Variants in SIMC1 observed in about 807,000 individuals in gnomAD.
The protein encoded by SIMC1 is SUMO-interacting motif-containing protein 1.
Under a neutral mutation model 82.3 loss-of-function variants are expected in SIMC1, and 55 were observed. The ratio of observed to expected loss-of-function variants is 0.67; its 90% CI spans 0.54 to 0.84. The LOEUF (loss-of-function observed/expected upper bound fraction) is 0.84. SIMC1 is among the 40% of genes least tolerant of loss of function. The probability of loss-of-function intolerance (pLI) is 0.00; values close to 1 mark genes in which losing one functional copy is unlikely to be tolerated. For missense variants in SIMC1, 915 were observed against 1,107.2 expected, an observed-to-expected ratio of 0.83 and a Z score of 2.46; for synonymous variants, 353 against 426.3, an observed-to-expected ratio of 0.83 and a Z score of 2.12.
intron 1 of SIMC1, among the ~76,000 whole-genome samples, chr5:176,271,912 A>AATTGTATATTATATTATAATATATACT (rs1469746029): frequency 2.2e-5 from 2 of 89,008 alleles, no homozygotes. Context: ...ATTAGTATAT[A>AATTGTATATTATATTATAATATATACT]ATTGTATATT....
intron 4 of SIMC1, among the ~76,000 whole-genome samples, chr5:176,312,586 A>G (rs191047540): frequency 6.6e-6 from 1 of 152,256 alleles, no homozygotes; most frequent in Non-Finnish European, 1.5e-5. Flanking sequence ...TGATTTTTTA[A>G]AAAAGCATTT....
At chr5:176,305,850 A>G (rs1453781922) in intron 4 of SIMC1, among the ~76,000 whole-genome samples, 1 of 37,898 alleles carries the variant, frequency 2.6e-5, no homozygotes, top group Admixed American at 2.4e-4. Flanking sequence ...TCCGGGAGGG[A>G]GGTGGGGGGG....
chr5:176,252,474 G>C (rs545672702), intron 1 of SIMC1, among the ~76,000 whole-genome samples: 2 of 151,856 alleles, frequency 1.3e-5, no homozygotes, highest in African/African-American at 4.8e-5. Flanking sequence ...GTCGCGGCTG[G>C]GCAGAGGCGC....
intron 1 of SIMC1, among the ~76,000 whole-genome samples, chr5:176,272,097 C>G (rs545343924): frequency 6.6e-5 from 9 of 137,136 alleles, no homozygotes; most frequent in African/African-American, 2.2e-4. Context: ...CATCCCACCA[C>G]TTTGGGAGAC....
rs373761744 is a variant in SIMC1, at chr5:176,289,861, G to A, written c.337G>A (p.Val113Met). The A allele has an allele frequency of 5.0e-4, 805 of 1,613,902 alleles. No individual in the cohort carries two copies. Among genetic ancestry groups the A allele is most frequent in the African/African-American group, 7.3e-4 (55 of 75,032 alleles). The change falls in exon 2 of 10, where the codon GTG becomes ATG. Residue 113 changes from valine to methionine, a missense_variant. By Grantham distance (21) the Val-to-Met change is conservative (BLOSUM62 1). Transcript: ENST00000429602. ...TGGCAAAGCGGTGATGGAAGGGCAC[G>A]TGGACAGAAGCTCTCAGCCTACAGC... ...LSGKAVMEGH[V>M]DRSSQPTARR...
chr5:176,283,619 A>T (rs1302481082), intron 1 of SIMC1, among the ~76,000 whole-genome samples: 2 of 152,224 alleles, frequency 1.3e-5, no homozygotes, highest in African/African-American at 4.8e-5. Flanking sequence ...GCATCAACTA[A>T]TGAGCAAACT....
chr5:176,290,087 C>A lies in SIMC1; in HGVS notation c.563C>A (p.Thr188Lys). The change falls in exon 2 of 10, where the codon ACA (threonine) becomes AAA (lysine). Residue 188 changes from threonine to lysine, a missense_variant. Physicochemically the swap from Thr to Lys is moderately conservative, Grantham distance 78. Coordinates refer to ENST00000429602, the MANE Select transcript of SIMC1 (RefSeq NM_001308195.2). ...TCAGATGTTAGCTCCCTCTCCCCAACAAGCAATAATAGTAGGAGCAGCAGC... is the reference window on the plus strand; with the variant it reads ...TCAGATGTTAGCTCCCTCTCCCCAAAAAGCAATAATAGTAGGAGCAGCAGC... ...LSSDVSSLSP[T>K]SNNSRSSSSS... The A allele has an allele frequency of 6.2e-7, 1 of 1,607,548 alleles. No individual in the cohort carries two copies. Among genetic ancestry groups the A allele is most frequent in the Non-Finnish European group, 8.5e-7 (1 of 1,176,786 alleles).
At chr5:176,276,989 T>C (rs1393564984) in intron 1 of SIMC1, among the ~76,000 whole-genome samples, 4 of 150,868 alleles carry the variant, frequency 2.7e-5, no homozygotes, top group Non-Finnish European at 4.4e-5. Context: ...GGTCAAATGG[T>C]ATTTCCAGTT....
At chr5:176,244,473 A>G (rs1339840489) in intron 1 of SIMC1, among the ~76,000 whole-genome samples, 1 of 150,874 alleles carries the variant, frequency 6.6e-6, no homozygotes, top group Non-Finnish European at 1.5e-5. Context: ...TGACCTGGAT[A>G]AAATCATCTA....
intron 9 of SIMC1, among the ~76,000 whole-genome samples, chr5:176,342,003 C>G (rs1467509935): frequency 1.3e-5 from 2 of 152,200 alleles, no homozygotes; most frequent in Non-Finnish European, 2.9e-5. Context: ...GGTTTCCTCC[C>G]CCATAGACAG....
At chr5:176,272,962 G>A (rs1258532914) in intron 1 of SIMC1, among the ~76,000 whole-genome samples, 14 of 152,198 alleles carry the variant, frequency 9.2e-5, no homozygotes, top group Non-Finnish European at 1.6e-4. Context: ...GGAGCCCACC[G>A]CAGCTCAAGG....
intron 4 of SIMC1, among the ~76,000 whole-genome samples, chr5:176,299,826 A>G (rs1021036680): frequency 5.9e-5 from 9 of 152,222 alleles, no homozygotes; most frequent in African/African-American, 1.9e-4. Flanking sequence ...CAGAACACAC[A>G]TTCTTCTCAA....
At chr5:176,304,999 C>T (rs539631912) in intron 4 of SIMC1, among the ~76,000 whole-genome samples, 2 of 79,008 alleles carry the variant, frequency 2.5e-5, no homozygotes, top group African/African-American at 3.6e-5. Flanking sequence ...GCAGCTGCCC[C>T]GTCTGAGAAG....
chr5:176,279,521 G>C (rs1014057685), intron 1 of SIMC1, among the ~76,000 whole-genome samples: 6 of 150,862 alleles, frequency 4.0e-5, no homozygotes, highest in African/African-American at 1.5e-4. Context: ...GCTAGCTTTT[G>C]AATGTGTTTG....
chr5:176,314,617 T>A (rs1004633537), intron 5 of SIMC1, among the ~76,000 whole-genome samples: 4 of 152,160 alleles, frequency 2.6e-5, no homozygotes, highest in African/African-American at 9.7e-5. Flanking sequence ...GCATGTGTTC[T>A]TTTTTGCAGA....
At chr5:176,335,083 C>T (rs1031594096) in intron 7 of SIMC1, among the ~76,000 whole-genome samples, 21 of 150,524 alleles carry the variant, frequency 1.4e-4, no homozygotes, top group Admixed American at 4.0e-4. Context: ...GGCAAAAGAG[C>T]GAAACTCTGT....
chr5:176,317,782 G>A (rs1009351664), intron 5 of SIMC1, among the ~76,000 whole-genome samples: 5 of 152,054 alleles, frequency 3.3e-5, no homozygotes, highest in Non-Finnish European at 2.9e-5. Context: ...TTCCTTGTAT[G>A]TATCAGAATT....
At chr5:176,340,765 G>A (rs1392228500) in intron 9 of SIMC1, among the ~76,000 whole-genome samples, 1 of 152,214 alleles carries the variant, frequency 6.6e-6, no homozygotes, top group African/African-American at 2.4e-5. Flanking sequence ...GTTACATAGA[G>A]TAAATGCTAT....
At chr5:176,293,367 G>A (rs1763664495) in intron 2 of SIMC1, among the ~76,000 whole-genome samples, 5 of 151,610 alleles carry the variant, frequency 3.3e-5, no homozygotes, top group South Asian at 2.1e-4. Flanking sequence ...CCCGGGAGGC[G>A]GAACTTGCAG....
Sources: gnomAD v4.1 joint callset for allele counts (sites outside exome capture counted in the v4.1 genomes callset) on GRCh38, gnomAD v4.1.1 for gene constraint, MANE v1.5 for transcripts, NCBI Gene and HGNC (gene_info 2026-07-23, HGNC 2026-07-21) for gene names.